The following METTL3 variants were observed in gnomAD, a reference collection of about 807,000 sequenced individuals.
METTL3 encodes the protein methyltransferase 3, N6-adenosine-methyltransferase complex catalytic subunit.
METTL3 carries 42 observed loss-of-function variants against 64.3 expected under a neutral mutation model. That is an observed-to-expected ratio of 0.65 (90% CI 0.51 to 0.84). METTL3 has a LOEUF of 0.84. Ranked by LOEUF, METTL3 falls within the 40% of genes least tolerant of loss-of-function variation. The pLI is 0.00. For missense variants in METTL3, 435 were observed against 722.3 expected (o/e 0.60, Z 4.56); for synonymous variants, 256 against 263.6 (o/e 0.97, Z 0.28).
Position 21,503,837 on chromosome 14 carries a change from C to T in METTL3, c.145G>A (p.Asp49Asn). Residue 49 changes from aspartate (D) to asparagine (N), a missense_variant, in exon 2 of 11, where the codon GAC becomes AAC. Transcript: ENST00000298717. ...GTGGGTGCAGTAGGCACTGGGCTGT[C>T]ACTACGGAAGGTTGGAGACAATGCT... ...EAALSPTFRSDSPVPTAPTSG... is the reference protein window; with the variant it reads ...EAALSPTFRSNSPVPTAPTSG... The T allele has an allele frequency of 6.2e-7, 1 of 1,614,192 alleles. No homozygotes were observed. Among genetic ancestry groups the T allele is most frequent in the South Asian group, 1.1e-5 (1 of 91,072 alleles).
rs1891471830 is a variant in METTL3 at position 21,498,592 on chromosome 14, A to C, written c.1632-223T>G. ...GGATCTGTATTATCTGAGGGTTAGT[A>C]ACTAATGCTTAGCCAGGCCTGCTTC... On this transcript the variant is annotated intron_variant, in intron 10 of 10. Coordinates refer to ENST00000298717, the MANE Select transcript of METTL3 (RefSeq NM_019852.5). 1.2e-5 allele frequency: 7 copies of C among 568,526 alleles called. No individual in the cohort carries two copies. In the South Asian group the frequency reaches 1.4e-4, roughly 12 times the overall value. The allele number at this position is 568,526 out of a possible 1,614,324, so 35.2% of individuals were successfully genotyped here.
At chr14:21,502,044 A>C (rs977298458) in intron 3 of METTL3, 141 bp from the exon 4 acceptor site, 1 of 662,626 alleles carries the variant, frequency 1.5e-6, no homozygotes, top group Non-Finnish European at 2.4e-6. Flanking sequence ...AAGAGATGGG[A>C]TCTTGCTGTC....
intron 3 of METTL3, 23 bp downstream of exon 3, chr14:21,503,150 G>C (rs1891611184): frequency 1.9e-6 from 3 of 1,585,004 alleles, no homozygotes; most frequent in Admixed American, 3.5e-5. Flanking sequence ...CATATTGTGA[G>C]AGTATTTTCA....
At chr14:21,502,167 C>T (rs987905202) in intron 3 of METTL3, among the ~76,000 whole-genome samples, 2 of 151,910 alleles carry the variant, frequency 1.3e-5, no homozygotes, top group Non-Finnish European at 2.9e-5. Flanking sequence ...AATATAGGTG[C>T]GTGACACCAT....
In METTL3 at chr14:21,500,934, T is replaced by C. The variant is rs776390167; in HGVS notation, c.1095A>G (p.Ala365=). 7.4e-6 allele frequency: 12 copies of C among 1,613,982 alleles called. No homozygotes were observed. Among genetic ancestry groups the C allele is most frequent in the Non-Finnish European group, 9.3e-6 (11 of 1,179,916 alleles). The change falls in exon 5 of 11, where the codon GCA becomes GCG. Residue 365 remains alanine, a synonymous_variant. Coordinates refer to ENST00000298717, the MANE Select transcript of METTL3 (RefSeq NM_019852.5). The part of the protein sequence containing the change: ...LTQSVGGDSS[A]DRLFPPQWIC... ...GTACCTGAGGTGGGAAGAGTCGGTC[T>C]GCACTGGAATCACCTCCGACACTCT...
chr14:21,498,157 G>T lies in METTL3; in HGVS notation c.*101C>A. 1 of 731,120 alleles carries T rather than the reference G, an allele frequency of 1.4e-6. No homozygotes were observed. Among genetic ancestry groups the T allele is most frequent in the Non-Finnish European group, 2.3e-6 (1 of 428,184 alleles). 45.3% of individuals were successfully genotyped at this position (731,120 alleles called of 1,614,324 possible). ...TCAGAATCCCAACTACAATACAAAT[G>T]TTTATTTAAATAAAGAAGAAAGCTA... On this transcript the variant is annotated 3_prime_UTR_variant, in exon 11 of 11. Transcript: ENST00000298717.
chr14:21,500,389 G>T, intron 6 of METTL3, 106 bp downstream of exon 6: 1 of 1,109,312 alleles, frequency 9.0e-7, no homozygotes, highest in Non-Finnish European at 1.3e-6. Flanking sequence ...GACTAAATCA[G>T]TCATACATTT....
intron 1 of METTL3, 164 bp downstream of exon 1, chr14:21,510,960 C>T: frequency 2.6e-6 from 2 of 772,576 alleles, no homozygotes; most frequent in Non-Finnish European, 3.9e-6. Context: ...GAACTACTTG[C>T]AGAAGGGCGA....
intron 1 of METTL3, among the ~76,000 whole-genome samples, chr14:21,509,134 G>C (rs1891769514): frequency 6.6e-6 from 1 of 151,924 alleles, no homozygotes; most frequent in South Asian, 2.1e-4. Context: ...GAGCTCAGGA[G>C]TTAGAGATCA....
intron 1 of METTL3, chr14:21,507,887 C>T (rs1025007474): frequency 6.6e-6 from 1 of 152,160 alleles, no homozygotes; most frequent in South Asian, 2.1e-4. Flanking sequence ...CCTATTACCA[C>T]AGTACCAAAT....
At chr14:21,498,496 T>C in intron 10 of METTL3, 127 bp from the exon 11 acceptor site, 1 of 840,742 alleles carries the variant, frequency 1.2e-6, no homozygotes, top group South Asian at 1.7e-5. Context: ...TAAAAAGAGC[T>C]TAACATTAGA....
intron 1 of METTL3, chr14:21,510,829 C>T: frequency 2.7e-6 from 1 of 368,876 alleles, no homozygotes; most frequent in Non-Finnish European, 5.0e-6. Context: ...TGAGCAGCCT[C>T]ACAAAGGCGA....
rs182301391 is a variant in METTL3, at chr14:21,503,977, C to G, written c.101-96G>C. ...TTCTCTAGCATTCCCATACACAGATCTTTCATTTTGTGCAGGAAATTCTGT... is the reference window on the plus strand; with the variant it reads ...TTCTCTAGCATTCCCATACACAGATGTTTCATTTTGTGCAGGAAATTCTGT... On this transcript the variant is annotated intron_variant, in intron 1 of 10. Coordinates refer to ENST00000298717, the MANE Select transcript of METTL3 (RefSeq NM_019852.5). 1.0e-4 allele frequency: 115 copies of G among 1,153,362 alleles called. No homozygotes were observed. In the African/African-American group the frequency reaches 1.4e-3, roughly 14 times the overall value. The allele number at this position is 1,153,362 out of a possible 1,614,324, so 71.4% of individuals were successfully genotyped here.
At chr14:21,510,928 GC>G (rs1891819667) in intron 1 of METTL3, 195 bp downstream of exon 1, 1 of 584,330 alleles carries the variant, frequency 1.7e-6, no homozygotes, top group African/African-American at 1.9e-5. Context: ...AAGAACCGAG[GC>G]CCAGCGTGAG....
At chr14:21,501,518 T>TA in intron 4 of METTL3, 1 of 649,702 alleles carries the variant, frequency 1.5e-6, no homozygotes, top group Non-Finnish European at 2.6e-6. Context: ...GAGGGAGCTT[T>TA]TAAAAAAAAA....
In METTL3 at chr14:21,498,492, G is replaced by A. The variant is rs1000723956; in HGVS notation, c.1632-123C>T. The A allele has an allele frequency of 6.9e-6, 6 of 875,280 alleles. No homozygotes were observed. The Admixed American group carries it at 7.7e-5, about 11-fold the overall frequency. The allele number at this position is 875,280 out of a possible 1,614,324, so 54.2% of individuals were successfully genotyped here. A position where few individuals can be genotyped will look rare whatever the true frequency, so the allele number is the denominator to read the frequency against. ...ATATCAAATATGCCAATTCTAAAAA[G>A]AGCTTAACATTAGAATAGTATATGG... is the stretch of plus-strand genomic sequence containing the variant. On this transcript the variant is annotated intron_variant, in intron 10 of 10. Coordinates refer to ENST00000298717, the MANE Select transcript of METTL3 (RefSeq NM_019852.5).
intron 1 of METTL3, among the ~76,000 whole-genome samples, chr14:21,507,479 G>A (rs1269885557): frequency 6.6e-6 from 1 of 152,044 alleles, no homozygotes. Context: ...CTAACACTGT[G>A]AAACCCCGTC....
At chr14:21,498,733 T>C (rs1405384502) in intron 10 of METTL3, 6 of 463,064 alleles carry the variant, frequency 1.3e-5, no homozygotes, top group Non-Finnish European at 2.3e-5. Flanking sequence ...GATAACTTCG[T>C]AACCACCAGG....
Position 21,503,321 on chromosome 14 carries a change from C to T in METTL3, c.575G>A (p.Ser192Asn). ...AGAGTTCAGACCAGAGACTAACGAACTGGCAAAGGCAGCTACTGTAGTCGA... is the reference window on the plus strand; with the variant it reads ...AGAGTTCAGACCAGAGACTAACGAATTGGCAAAGGCAGCTACTGTAGTCGA... The part of the protein sequence containing the change: ...QDSTTVAAFA[S>N]SLVSGLNSSA... The change falls in exon 3 of 11, where the codon AGT becomes AAT. Residue 192 changes from serine (S) to asparagine (N), a missense_variant. Physicochemically the swap from Ser to Asn is conservative, Grantham distance 46. Coordinates refer to ENST00000298717, the MANE Select transcript of METTL3 (RefSeq NM_019852.5). The T allele has an allele frequency of 6.2e-7, 1 of 1,614,180 alleles. No homozygotes were observed. The highest frequency in any genetic ancestry group is 8.5e-7 in the Non-Finnish European group (1 of 1,180,032).
Sources: allele counts gnomAD v4.1 joint callset (sites outside exome capture counted in the v4.1 genomes callset), GRCh38; gene constraint gnomAD v4.1.1; transcripts MANE v1.5; gene names NCBI Gene and HGNC (gene_info 2026-07-23, HGNC 2026-07-21).